PAAF1: variants seen among roughly 807,000 people sequenced by gnomAD.
The protein encoded by PAAF1 is proteasomal ATPase associated factor 1, also known as proteasomal ATPase-associated factor 1.
Under a neutral mutation model 52.8 loss-of-function variants are expected in PAAF1, and 46 were observed. The observed-to-expected ratio is 0.87, with a 90% CI of 0.69 to 1.11. PAAF1 has a LOEUF of 1.11. Among genes scored for constraint, PAAF1 ranks in the 50% most tolerant of loss-of-function variants. The probability of loss-of-function intolerance (pLI) is 0.00; values close to 1 mark genes in which losing one functional copy is unlikely to be tolerated. For synonymous variants in PAAF1, 178 were observed against 172.8 expected, an observed-to-expected ratio of 1.03 and a Z score of -0.24; for missense variants, 424 against 477.4, an observed-to-expected ratio of 0.89 and a Z score of 1.04.
In PAAF1 at chr11:73,929,256, C is replaced by T. The variant is rs898915192; in HGVS notation, c.*1894C>T. 9 of 152,136 alleles carry T rather than the reference C, an allele frequency of 5.9e-5. No homozygotes were observed. Among genetic ancestry groups the T allele is most frequent in the African/African-American group, 2.2e-4 (9 of 41,398 alleles). 9.4% of individuals were successfully genotyped at this position (152,136 alleles called of 1,614,324 possible). ...AGAGACAGAGTCTCACCATGTTGCCCAGGCTGGTCTCAAACTCCTGAACTC... is the reference window on the plus strand; with the variant it reads ...AGAGACAGAGTCTCACCATGTTGCCTAGGCTGGTCTCAAACTCCTGAACTC... On this transcript the variant is annotated 3_prime_UTR_variant, in exon 12 of 12. Transcript: ENST00000310571.
At chr11:73,877,961 T>C (rs541550769) in intron 1 of PAAF1, among the ~76,000 whole-genome samples, 1 of 152,232 alleles carries the variant, frequency 6.6e-6, no homozygotes, top group Non-Finnish European at 1.5e-5. Flanking sequence ...ATTGATCTTA[T>C]ACTATTCCAG....
intron 2 of PAAF1, chr11:73,880,275 AACAC>A (rs566153062): frequency 9.2e-5 from 14 of 151,980 alleles, no homozygotes; most frequent in African/African-American, 3.4e-4. Context: ...TAAAAAAAGA[AACAC>A]ACACACAAAT....
intron 4 of PAAF1, among the ~76,000 whole-genome samples, chr11:73,896,716 C>T (rs1382040188): frequency 2.0e-5 from 3 of 152,242 alleles, no homozygotes; most frequent in East Asian, 1.9e-4. Context: ...ACAGACACGG[C>T]AACCATCCGA....
At position 73,929,207 on chromosome 11, in the gene PAAF1, C is replaced by T. The variant is rs1482674450; in HGVS notation, c.*1845C>T. On this transcript the variant is annotated 3_prime_UTR_variant, in exon 12 of 12. Transcript: ENST00000310571. Reference sequence around the variant, plus strand: ...AACCATGGGTGCACACCACCACACTCGGCTAATTTTTTAAATTTTTTGTAG... The same window carrying T: ...AACCATGGGTGCACACCACCACACTTGGCTAATTTTTTAAATTTTTTGTAG... 6.6e-6 allele frequency: 1 copy of T among 151,504 alleles called. No homozygotes were observed. Among genetic ancestry groups the T allele is most frequent in the Non-Finnish European group, 1.5e-5 (1 of 67,960 alleles). 9.4% of individuals were successfully genotyped at this position (151,504 alleles called of 1,614,324 possible).
At chr11:73,905,338 C>G (rs762941466) in intron 6 of PAAF1, among the ~76,000 whole-genome samples, 13 of 151,988 alleles carry the variant, frequency 8.6e-5, no homozygotes, top group Non-Finnish European at 1.3e-4. Flanking sequence ...ATTCTTCTGC[C>G]TCAGCTTCCC....
chr11:73,919,275 C>A (rs531545505), intron 10 of PAAF1, among the ~76,000 whole-genome samples: 1 of 152,158 alleles, frequency 6.6e-6, no homozygotes, highest in Non-Finnish European at 1.5e-5. Flanking sequence ...TAGCTCAATG[C>A]CCACCACTCT....
intron 4 of PAAF1, among the ~76,000 whole-genome samples, chr11:73,898,002 G>A (rs986463514): frequency 3.9e-5 from 6 of 152,164 alleles, no homozygotes; most frequent in Non-Finnish European, 7.4e-5. Context: ...CCAACACAGC[G>A]AATCCCCGTC....
intron 11 of PAAF1, among the ~76,000 whole-genome samples, chr11:73,926,851 T>C (rs1950375690): frequency 6.6e-6 from 1 of 152,172 alleles, no homozygotes; most frequent in Admixed American, 6.5e-5. Flanking sequence ...AAGCTGAGAC[T>C]AACTCCAGAA....
chr11:73,926,168 G>A (rs1950351002), intron 11 of PAAF1, among the ~76,000 whole-genome samples: 1 of 151,662 alleles, frequency 6.6e-6, no homozygotes, highest in South Asian at 2.1e-4. Context: ...GTGCAATGGC[G>A]CGATCTCAGC....
chr11:73,905,260 G>T lies in PAAF1; in HGVS notation c.533-4139G>T, dbSNP rs138396182. Among the ~76,000 whole-genome samples, 320 of 151,712 alleles carry T rather than the reference G, an allele frequency of 2.1e-3. 1 individual carries two copies. Among genetic ancestry groups the T allele is most frequent in the Non-Finnish European group, 3.4e-3 (232 of 67,950 alleles). The stretch of plus-strand genomic sequence containing the variant: ...TTTTTTTGAGACAGAATCTCACTCT[G>T]TTGCCCAGGCTGGTGTGCAGTGGCG... On this transcript the variant is annotated intron_variant, in intron 6 of 11. Coordinates refer to ENST00000310571, the MANE Select transcript of PAAF1 (RefSeq NM_025155.3).
At position 73,900,748 on chromosome 11, in the gene PAAF1, C is replaced by T. The variant is rs1328516808; in HGVS notation, c.532+328C>T. Among the ~76,000 whole-genome samples the T allele has an allele frequency of 1.2e-4, 18 of 152,008 alleles. 1 individual carries two copies. Among genetic ancestry groups the T allele is most frequent in the African/African-American group, 3.4e-4 (14 of 41,462 alleles). On this transcript the variant is annotated intron_variant, in intron 6 of 11. Transcript: ENST00000310571. ...CTGTAATCCCAGCACTTTGGGAGGC[C>T]GAGGCGGGCGGATCACGAGGTCAGG...
intron 4 of PAAF1, among the ~76,000 whole-genome samples, chr11:73,896,871 C>G (rs974932203): frequency 6.6e-6 from 1 of 151,446 alleles, no homozygotes; most frequent in Admixed American, 6.5e-5. Flanking sequence ...CCAGTAGGCG[C>G]GGCCAGGCAG....
chr11:73,926,774 C>G (rs1224596282), intron 11 of PAAF1, among the ~76,000 whole-genome samples: 3 of 152,122 alleles, frequency 2.0e-5, no homozygotes, highest in Non-Finnish European at 4.4e-5. Context: ...TTCCATTGTA[C>G]AAATGAGGCA....
intron 4 of PAAF1, among the ~76,000 whole-genome samples, chr11:73,894,206 T>C (rs1206708252): frequency 6.6e-6 from 1 of 152,110 alleles, no homozygotes; most frequent in Non-Finnish European, 1.5e-5. Flanking sequence ...AGTAAGTCAT[T>C]TTAAAAATCA....
In PAAF1 at chr11:73,918,342, C is replaced by G. The variant is rs116357699; in HGVS notation, c.936-608C>G. 5.2e-3 allele frequency among the ~76,000 whole-genome samples: 590 copies of G among 114,070 alleles called. 6 individuals carry two copies. The highest frequency in any genetic ancestry group is 0.018 in the African/African-American group (554 of 31,204). 74.8% of individuals were successfully genotyped at this position (114,070 alleles called of 152,430 possible). A position where few individuals can be genotyped will look rare whatever the true frequency, so the allele number is the denominator to read the frequency against. On this transcript the variant is annotated intron_variant, in intron 9 of 11. Transcript: ENST00000310571. ...GCTTATACCTTTTCTTCCATCATTT[C>G]AGTTACTTAATTTTTTTTTTTTTTT...
At position 73,909,411 on chromosome 11, in the gene PAAF1, C is replaced by T. The variant is rs1298405893; in HGVS notation, c.545C>T (p.Thr182Ile). The T allele has an allele frequency of 6.2e-7, 1 of 1,614,084 alleles. No individual in the cohort carries two copies. The highest frequency in any genetic ancestry group is 1.7e-5 in the Admixed American group (1 of 60,012). Residue 182 changes from threonine to isoleucine, a missense_variant, in exon 7 of 12, where the codon ACA (threonine) becomes ATA (isoleucine). By Grantham distance (89) the Thr-to-Ile change is moderately conservative. Coordinates refer to ENST00000310571, the MANE Select transcript of PAAF1 (RefSeq NM_025155.3). ...TTTCTCTTGCTAGGTATCCTGGATA[C>T]AGCCATCGTTGATCGGGGGAGGAAT... ...FKGHKGGILDTAIVDRGRNVV... is the reference protein window; with the variant it reads ...FKGHKGGILDIAIVDRGRNVV...
intron 10 of PAAF1, among the ~76,000 whole-genome samples, chr11:73,923,312 C>A (rs1950275125): frequency 6.6e-6 from 1 of 151,876 alleles, no homozygotes; most frequent in Admixed American, 6.6e-5. Flanking sequence ...TTTTCCAGGT[C>A]TTTATATATA....
chr11:73,892,851 G>A (rs925932875), intron 4 of PAAF1, among the ~76,000 whole-genome samples: 1 of 151,924 alleles, frequency 6.6e-6, no homozygotes, highest in Non-Finnish European at 1.5e-5. Flanking sequence ...TAGTAGAGAC[G>A]GGGTTTCACT....
chr11:73,903,493 G>A (rs1434999895), intron 6 of PAAF1, among the ~76,000 whole-genome samples: 1 of 152,068 alleles, frequency 6.6e-6, no homozygotes, highest in Admixed American at 6.5e-5. Context: ...GAGGCGGGTG[G>A]ATCATCTGAG....
Sources: gnomAD v4.1 joint callset for allele counts (sites outside exome capture counted in the v4.1 genomes callset) on GRCh38, gnomAD v4.1.1 for gene constraint, MANE v1.5 for transcripts, NCBI Gene and HGNC (gene_info 2026-07-23, HGNC 2026-07-21) for gene names.